Variants in FAM227B observed in about 807,000 individuals in gnomAD.
FAM227B encodes protein FAM227B.
Under a neutral mutation model 73.8 loss-of-function variants are expected in FAM227B, and 88 were observed. The observed-to-expected ratio is 1.19, with a 90% confidence interval of 1.00 to 1.42. The LOEUF (loss-of-function observed/expected upper bound fraction) is 1.42, where lower values mean the gene tolerates loss of function less well. FAM227B is among the 40% of genes most tolerant of loss of function. The probability of loss-of-function intolerance (pLI) is 0.00; values close to 1 mark genes in which losing one functional copy is unlikely to be tolerated. For missense variants in FAM227B, 632 were observed against 590.9 expected, an observed-to-expected ratio of 1.07 and a Z score of -0.72; for synonymous variants, 210 against 190.5, an observed-to-expected ratio of 1.10 and a Z score of -0.84.
intron 11 of FAM227B, chr15:49,488,120 C>G (rs1342095578): frequency 1.3e-5 from 2 of 151,978 alleles, no homozygotes; most frequent in African/African-American, 4.8e-5. Context: ...GCCACTATGA[C>G]TAACTTGTGG....
intron 11 of FAM227B, among the ~76,000 whole-genome samples, chr15:49,436,125 G>A (rs2051085375): frequency 6.6e-6 from 1 of 151,434 alleles, no homozygotes; most frequent in South Asian, 2.1e-4. Flanking sequence ...AATTCTAACT[G>A]TTTTAAAATT....
chr15:49,329,806 T>TAAAAAAAAAAAA (rs558009170), intron 15 of FAM227B: 1 of 688,250 alleles, frequency 1.5e-6, no homozygotes, highest in Non-Finnish European at 1.8e-6. Context: ...TGGATCAGTG[T>TAAAAAAAAAAAA]AAAAAAAAAA....
intron 11 of FAM227B, among the ~76,000 whole-genome samples, chr15:49,428,686 A>C (rs1005759027): frequency 2.0e-5 from 3 of 152,004 alleles, no homozygotes; most frequent in Admixed American, 6.6e-5. Flanking sequence ...GATAATTTTC[A>C]TGCTTTTGGT....
At chr15:49,599,168 G>A (rs967420682) in intron 3 of FAM227B, among the ~76,000 whole-genome samples, 1 of 151,870 alleles carries the variant, frequency 6.6e-6, no homozygotes, top group Non-Finnish European at 1.5e-5. Flanking sequence ...ATCCAGTCAA[G>A]GTAGGTTGTA....
intron 11 of FAM227B, among the ~76,000 whole-genome samples, chr15:49,444,222 T>C (rs183211963): frequency 6.6e-6 from 1 of 151,676 alleles, no homozygotes; most frequent in Non-Finnish European, 1.5e-5. Flanking sequence ...TAAGGATTTA[T>C]GATTGCTCTC....
At position 49,541,714 on chromosome 15, in the gene FAM227B, T is replaced by G. The variant is rs1042600953; in HGVS notation, c.840A>C (p.Glu280Asp). The G allele has an allele frequency of 1.3e-6, 2 of 1,525,656 alleles. No homozygotes were observed. Among genetic ancestry groups the G allele is most frequent in the African/African-American group, 1.4e-5 (1 of 71,348 alleles). The allele number at this position is 1,525,656 out of a possible 1,614,324, so 94.5% of individuals were successfully genotyped here. A position where few individuals can be genotyped will look rare whatever the true frequency, so the allele number is the denominator to read the frequency against. Residue 280 changes from glutamate (E) to aspartate (D), a missense_variant, in exon 10 of 16, where the codon GAA becomes GAC. Transcript: ENST00000299338. ...SSYLFNDEFK[E>D]DLGNNIFLWC... ...AAAGAAAAATGTTATTCCCTAGATC[T>G]TCTTTAAATTCATCATTAAAGAGGT... is the stretch of plus-strand genomic sequence containing the variant.
intron 11 of FAM227B, among the ~76,000 whole-genome samples, chr15:49,499,512 T>A (rs907837049): frequency 6.6e-6 from 1 of 152,182 alleles, no homozygotes; most frequent in Non-Finnish European, 1.5e-5. Context: ...AAAATAAAGA[T>A]GCCCGAGTAT....
At chr15:49,415,770 T>C (rs962960265) in intron 11 of FAM227B, among the ~76,000 whole-genome samples, 3 of 152,194 alleles carry the variant, frequency 2.0e-5, no homozygotes, top group Non-Finnish European at 2.9e-5. Context: ...TTTGAACATA[T>C]GACTCATACT....
At chr15:49,494,289 A>ACACC (rs71432294) in intron 11 of FAM227B, among the ~76,000 whole-genome samples, 5 of 144,372 alleles carry the variant, frequency 3.5e-5, no homozygotes, top group East Asian at 3.9e-4. Flanking sequence ...ACACACACAC[A>ACACC]CCCTAAACAT....
intron 2 of FAM227B, among the ~76,000 whole-genome samples, chr15:49,613,441 C>T (rs780865680): frequency 3.3e-5 from 5 of 152,056 alleles, no homozygotes; most frequent in East Asian, 3.9e-4. Flanking sequence ...GCGGAGGTTG[C>T]GGTGAGCCAA....
intron 10 of FAM227B, among the ~76,000 whole-genome samples, chr15:49,509,572 T>C (rs142512473): frequency 0.022 from 2,702 of 123,662 alleles, 39 homozygotes; most frequent in Middle Eastern, 0.054. Context: ...TAATATAAGT[T>C]ACTTTCACTG....
intron 5 of FAM227B, among the ~76,000 whole-genome samples, chr15:49,583,003 T>TA (rs1445712484): frequency 6.6e-6 from 1 of 152,092 alleles, no homozygotes; most frequent in Non-Finnish European, 1.5e-5. Context: ...TTTATAGCAC[T>TA]AAATGCCGAC....
intron 10 of FAM227B, among the ~76,000 whole-genome samples, chr15:49,536,539 T>G (rs2070295144): frequency 6.6e-6 from 1 of 151,934 alleles, no homozygotes; most frequent in South Asian, 2.1e-4. Flanking sequence ...TTAATGACAT[T>G]CTTCACAGAA....
intron 10 of FAM227B, among the ~76,000 whole-genome samples, chr15:49,512,538 G>A (rs529132448): frequency 2.6e-5 from 4 of 151,916 alleles, no homozygotes; most frequent in South Asian, 4.2e-4. Context: ...AGATTCATAC[G>A]AATTCTTCGA....
At chr15:49,423,754 C>A (rs565976080) in intron 11 of FAM227B, among the ~76,000 whole-genome samples, 1 of 152,194 alleles carries the variant, frequency 6.6e-6, no homozygotes, top group African/African-American at 2.4e-5. Context: ...TAATTTAAAT[C>A]AATAGTTCTG....
At chr15:49,620,226 G>A (rs2153348250) in intron 1 of FAM227B, 1 of 152,248 alleles carries the variant, frequency 6.6e-6, no homozygotes, top group South Asian at 2.1e-4. Context: ...TATCTCAGTA[G>A]TAAGAATATT....
At position 49,452,002 on chromosome 15, in the gene FAM227B, AT is replaced by A. The variant is rs534296123; in HGVS notation, c.1012+56208del. Among the ~76,000 whole-genome samples, 38 of 152,246 alleles carry A rather than the reference AT, an allele frequency of 2.5e-4. 1 individual carries two copies. In the South Asian group the frequency reaches 7.9e-3, roughly 32 times the overall value. ...ACTTTCTCTCAATATGATATCTTAT[AT>A]CACTACTTGACATAGATTCAAAATT... On this transcript the variant is annotated intron_variant, in intron 11 of 15. Transcript: ENST00000299338.
intron 1 of FAM227B, among the ~76,000 whole-genome samples, chr15:49,617,093 T>C (rs904074228): frequency 1.3e-5 from 2 of 152,218 alleles, no homozygotes; most frequent in African/African-American, 2.4e-5. Context: ...CTTGCTCTAC[T>C]ATGAAGCTGA....
chr15:49,404,617 G>GT (rs1183596623), intron 11 of FAM227B, among the ~76,000 whole-genome samples: 3 of 151,758 alleles, frequency 2.0e-5, no homozygotes, highest in Non-Finnish European at 4.4e-5. Flanking sequence ...TTTCCTGGTA[G>GT]TTTTTTCTCC....
Sources: gnomAD v4.1 joint callset for allele counts (sites outside exome capture counted in the v4.1 genomes callset) on GRCh38, gnomAD v4.1.1 for gene constraint, MANE v1.5 for transcripts, NCBI Gene and HGNC (gene_info 2026-07-23, HGNC 2026-07-21) for gene names.